Variants in NTN1 observed in about 807,000 individuals in gnomAD.
NTN1 encodes netrin-1.
NTN1 carries 11 observed loss-of-function variants against 54.2 expected under a neutral mutation model. The ratio of observed to expected loss-of-function variants is 0.20; its 90% confidence interval spans 0.13 to 0.34. NTN1 has a LOEUF of 0.34. Ranked by LOEUF, NTN1 falls within the 10% of genes least tolerant of loss-of-function variation. The probability of loss-of-function intolerance (pLI) is 1.00; values close to 1 mark genes in which losing one functional copy is unlikely to be tolerated. For synonymous variants in NTN1, 371 were observed against 382.0 expected, an observed-to-expected ratio of 0.97 and a Z score of 0.33; for missense variants, 740 against 893.1, an observed-to-expected ratio of 0.83 and a Z score of 2.18.
chr17:9,050,981 C>T (rs1597470075), intron 2 of NTN1, among the ~76,000 whole-genome samples: 2 of 152,184 alleles, frequency 1.3e-5, no homozygotes, highest in East Asian at 3.8e-4. Context: ...TAGGCTGTTT[C>T]AGCTTGGCAA....
At chr17:9,227,119 C>G (rs547942393) in intron 6 of NTN1, among the ~76,000 whole-genome samples, 7 of 152,094 alleles carry the variant, frequency 4.6e-5, no homozygotes, top group African/African-American at 1.7e-4. Context: ...CTCCTGTCTG[C>G]GCTGCCTCCC....
chr17:9,189,173 C>A (rs1201747354), intron 5 of NTN1, among the ~76,000 whole-genome samples: 1 of 152,166 alleles, frequency 6.6e-6, no homozygotes, highest in Non-Finnish European at 1.5e-5. Flanking sequence ...ATCATCTCTT[C>A]CACCCATGGA....
intron 5 of NTN1, among the ~76,000 whole-genome samples, chr17:9,194,208 C>T (rs1273624570): frequency 6.6e-6 from 1 of 151,674 alleles, no homozygotes; most frequent in Non-Finnish European, 1.5e-5. Flanking sequence ...TGCACTCCAG[C>T]CTGGGCAATA....
intron 2 of NTN1, among the ~76,000 whole-genome samples, chr17:9,093,553 G>T (rs190069326): frequency 2.0e-4 from 30 of 152,278 alleles, no homozygotes; most frequent in Non-Finnish European, 3.4e-4. Context: ...GGTAGAGATG[G>T]TATCTTGCTA....
chr17:9,150,022 C>T (rs1330460910), intron 2 of NTN1, among the ~76,000 whole-genome samples: 2 of 151,924 alleles, frequency 1.3e-5, no homozygotes, highest in South Asian at 2.1e-4. Context: ...GCCAACATGG[C>T]GAAACTCCAT....
At chr17:9,205,134 C>G (rs1437736813) in intron 5 of NTN1, among the ~76,000 whole-genome samples, 1 of 152,200 alleles carries the variant, frequency 6.6e-6, no homozygotes, top group Non-Finnish European at 1.5e-5. Flanking sequence ...GCAGCAACTT[C>G]TTGAATGTGG....
chr17:9,216,565 A>T (rs955058168), intron 5 of NTN1, among the ~76,000 whole-genome samples: 6 of 152,130 alleles, frequency 3.9e-5, no homozygotes, highest in Admixed American at 3.9e-4. Flanking sequence ...AGATCCATGT[A>T]CTGGTGCAAT....
At chr17:9,026,079 C>T (rs2091869591) in intron 2 of NTN1, among the ~76,000 whole-genome samples, 1 of 152,130 alleles carries the variant, frequency 6.6e-6, no homozygotes, top group Non-Finnish European at 1.5e-5. Context: ...TTGGTCTTTG[C>T]TTTTATAAAA....
chr17:9,144,953 T>C (rs1036961185), intron 2 of NTN1, among the ~76,000 whole-genome samples: 2 of 152,168 alleles, frequency 1.3e-5, no homozygotes, highest in African/African-American at 4.8e-5. Flanking sequence ...CACCGGTCTG[T>C]GGTCTGTACC....
chr17:9,206,561 G>A (rs190984407), intron 5 of NTN1, among the ~76,000 whole-genome samples: 415 of 152,154 alleles, frequency 2.7e-3, no homozygotes, highest in Non-Finnish European at 4.1e-3. Context: ...GTGCCTCTCC[G>A]TGCCTTCCCT....
the NTN1 span, among the ~76,000 whole-genome samples, chr17:9,006,347 C>G: frequency 9.9e-5 from 15 of 152,248 alleles, no homozygotes; most frequent in African/African-American, 3.4e-4. Context: ...CCCTTTGCTG[C>G]GAGTCGCTGA....
At chr17:9,166,684 C>T (rs961180079) in intron 3 of NTN1, among the ~76,000 whole-genome samples, 2 of 152,152 alleles carry the variant, frequency 1.3e-5, no homozygotes, top group African/African-American at 4.8e-5. Context: ...GAAGCCCTAT[C>T]ATAGGCCTTC....
At chr17:9,181,600 C>T (rs779613884) in intron 4 of NTN1, among the ~76,000 whole-genome samples, 36 of 152,186 alleles carry the variant, frequency 2.4e-4, no homozygotes, top group Non-Finnish European at 4.7e-4. Context: ...GGGCTGTGTC[C>T]CCCACTTGTT....
chr17:9,117,093 G>A (rs1425540993), intron 2 of NTN1, among the ~76,000 whole-genome samples: 2 of 152,206 alleles, frequency 1.3e-5, no homozygotes, highest in Non-Finnish European at 2.9e-5. Context: ...GCTGTGAGGC[G>A]TGAAAGGGTG....
the NTN1 span, among the ~76,000 whole-genome samples, chr17:9,015,450 G>C: frequency 6.6e-6 from 1 of 151,952 alleles, no homozygotes; most frequent in Non-Finnish European, 1.5e-5. Context: ...AAATTAAAAG[G>C]AAAACCCTTG....
At chr17:9,090,936 G>GC (rs1480495461) in intron 2 of NTN1, among the ~76,000 whole-genome samples, 1 of 152,078 alleles carries the variant, frequency 6.6e-6, no homozygotes, top group Non-Finnish European at 1.5e-5. Context: ...GGGACCCTCA[G>GC]CCTGGGCCCA....
At chr17:9,204,645 G>C (rs912117946) in intron 5 of NTN1, among the ~76,000 whole-genome samples, 35 of 152,256 alleles carry the variant, frequency 2.3e-4, no homozygotes, top group African/African-American at 8.4e-4. Context: ...TCAGTCGGTG[G>C]CAAATGGCAG....
rs760691122 is a variant in NTN1 at position 9,022,466 on chromosome 17, C to T, written c.93C>T (p.Phe31=). The change falls in exon 2 of 7, where the codon TTC becomes TTT. Residue 31 remains phenylalanine (F), a synonymous_variant. Transcript: ENST00000173229. ...AVRGGPGLSM[F]AGQAAQPDPC... ...GCGGCGGGCCCGGGCTCAGCATGTT[C>T]GCGGGCCAGGCGGCGCAGCCCGATC... 4.8e-5 allele frequency: 73 copies of T among 1,520,254 alleles called. No individual in the cohort carries two copies. Among genetic ancestry groups the T allele is most frequent in the Non-Finnish European group, 6.1e-5 (69 of 1,139,394 alleles). The allele number at this position is 1,520,254 out of a possible 1,614,324, so 94.2% of individuals were successfully genotyped here.
rs930889503 is a variant in NTN1 at position 9,239,769 on chromosome 17, C to T, written c.1616C>T (p.Ser539Leu). Residue 539 changes from serine to leucine, a missense_variant, in exon 7 of 7, where the codon TCG (serine) becomes TTG (leucine). Ser to Leu is a moderately radical substitution (Grantham distance 145). Coordinates refer to ENST00000173229, the MANE Select transcript of NTN1 (RefSeq NM_004822.3). This position sits in a 1 kb window ranked among gnomAD's most constrained non-coding sequence, Gnocchi z 5.2. ...RRGDQSLWIR[S>L]RDIACKCPKI... Reference sequence around the variant, plus strand: ...GGTGACCAGAGCCTGTGGATCCGCTCGCGGGACATCGCCTGCAAGTGTCCC... The same window carrying T: ...GGTGACCAGAGCCTGTGGATCCGCTTGCGGGACATCGCCTGCAAGTGTCCC... 1.2e-6 allele frequency: 2 copies of T among 1,613,778 alleles called. No homozygotes were observed. Among genetic ancestry groups the T allele is most frequent in the South Asian group, 1.1e-5 (1 of 91,072 alleles).
Sources: allele counts gnomAD v4.1 joint callset (sites outside exome capture counted in the v4.1 genomes callset), GRCh38; gene constraint gnomAD v4.1.1; non-coding constraint Gnocchi (gnomAD v3.1); transcripts MANE v1.5; gene names NCBI Gene and HGNC (gene_info 2026-07-23, HGNC 2026-07-21).